The following CAB39 variants were observed in gnomAD, a reference collection of about 807,000 sequenced individuals.
The protein encoded by CAB39 is calcium binding protein 39.
In CAB39, 8 loss-of-function variants were observed where a neutral mutation model predicts 40.0. The observed-to-expected ratio is 0.20, with a 90% CI of 0.12 to 0.36. The LOEUF is 0.36. Among genes scored for constraint, CAB39 ranks in the 10% least tolerant of loss-of-function variants. The pLI is 1.00. For missense variants in CAB39, 270 were observed against 401.1 expected, an observed-to-expected ratio of 0.67 and a Z score of 2.79; for synonymous variants, 156 against 141.6, an observed-to-expected ratio of 1.10 and a Z score of -0.72.
chr2:230,813,111 T>C (rs1465096758), intron 6 of CAB39, among the ~76,000 whole-genome samples: 1 of 152,202 alleles, frequency 6.6e-6, no homozygotes, highest in Non-Finnish European at 1.5e-5. Context: ...CCAACAGTCA[T>C]ACTAGTGCTG....
intron 1 of CAB39, among the ~76,000 whole-genome samples, chr2:230,715,674 T>C (rs1373365658): frequency 6.6e-6 from 1 of 152,224 alleles, no homozygotes; most frequent in Non-Finnish European, 1.5e-5. Flanking sequence ...GGTTTGCTAC[T>C]ATAACAAATG....
At position 230,754,114 on chromosome 2, in the gene CAB39, A is replaced by G. The variant is rs187605229; in HGVS notation, c.-43-5845A>G. 7.2e-5 allele frequency among the ~76,000 whole-genome samples: 11 copies of G among 152,262 alleles called. 1 individual carries two copies. Among genetic ancestry groups the G allele is most frequent in the Admixed American group, 4.6e-4 (7 of 15,284 alleles). On this transcript the variant is annotated intron_variant, in intron 1 of 8. Coordinates refer to ENST00000258418, the MANE Select transcript of CAB39 (RefSeq NM_016289.4). ...TGTGCTGTGAGTTGGAGATAGGTAA[A>G]ACCTAGAGGGCCATGGTAAGGAATT...
chr2:230,753,552 A>G (rs913367139), intron 1 of CAB39, among the ~76,000 whole-genome samples: 8 of 152,124 alleles, frequency 5.3e-5, no homozygotes, highest in Admixed American at 2.6e-4. Flanking sequence ...CAGGAGTTCA[A>G]GACCAGCCTG....
At chr2:230,790,797 A>G in intron 2 of CAB39, 75 bp from the exon 3 acceptor site, 1 of 1,307,528 alleles carries the variant, frequency 7.6e-7, no homozygotes, top group Non-Finnish European at 1.1e-6. Context: ...GTGATTTGAC[A>G]AATTTTGACG....
In CAB39 at chr2:230,819,667, A is replaced by G. The variant is rs1696471841; in HGVS notation, c.*963A>G. The G allele has an allele frequency of 6.6e-6, 1 of 152,484 alleles. No homozygotes were observed. Among genetic ancestry groups the G allele is most frequent in the African/African-American group, 2.4e-5 (1 of 41,480 alleles). The allele number at this position is 152,484 out of a possible 1,614,324, so 9.4% of individuals were successfully genotyped here. ...CATTTAAGTATCACAGCATTAAAAGAAAAAGAAAGTAAACCAGTCCTTTGT... is the reference window on the plus strand; with the variant it reads ...CATTTAAGTATCACAGCATTAAAAGGAAAAGAAAGTAAACCAGTCCTTTGT... On this transcript the variant is annotated 3_prime_UTR_variant, in exon 9 of 9. Transcript: ENST00000258418.
intron 2 of CAB39, among the ~76,000 whole-genome samples, chr2:230,785,140 G>A (rs142767073): frequency 1.4e-3 from 212 of 152,274 alleles, no homozygotes; most frequent in African/African-American, 4.8e-3. Context: ...CACTAATAGT[G>A]CACAGCAATC....
intron 1 of CAB39, among the ~76,000 whole-genome samples, chr2:230,716,832 T>TA (rs1228031027): frequency 6.6e-6 from 1 of 152,176 alleles, no homozygotes; most frequent in Non-Finnish European, 1.5e-5. Flanking sequence ...CAAGACCCTA[T>TA]ATCCACAAAA....
intron 1 of CAB39, among the ~76,000 whole-genome samples, chr2:230,735,837 A>G (rs1390585863): frequency 6.6e-6 from 1 of 152,200 alleles, no homozygotes; most frequent in East Asian, 1.9e-4. Context: ...TTTTTATATA[A>G]AGACCATTTA....
chr2:230,787,756 G>A (rs534998628), intron 2 of CAB39, among the ~76,000 whole-genome samples: 7 of 152,166 alleles, frequency 4.6e-5, no homozygotes, highest in African/African-American at 1.7e-4. Context: ...TTTCTTAGGA[G>A]GTTAATCAAA....
intron 2 of CAB39, among the ~76,000 whole-genome samples, chr2:230,766,388 AG>A (rs1378242274): frequency 1.3e-5 from 2 of 152,224 alleles, no homozygotes; most frequent in Non-Finnish European, 2.9e-5. Context: ...GAGAGAGACT[AG>A]GAAGTACTAC....
At chr2:230,742,396 C>T (rs1477746495) in intron 1 of CAB39, among the ~76,000 whole-genome samples, 1 of 152,030 alleles carries the variant, frequency 6.6e-6, no homozygotes, top group Admixed American at 6.6e-5. Flanking sequence ...AGGATGGTCT[C>T]GATCTCCTGA....
chr2:230,801,725 T>C (rs994859658), intron 5 of CAB39, among the ~76,000 whole-genome samples: 3 of 151,616 alleles, frequency 2.0e-5, no homozygotes, highest in African/African-American at 7.3e-5. Flanking sequence ...TACAAAAAAT[T>C]AGTTGTGGTG....
intron 3 of CAB39, 53 bp from the exon 4 acceptor site, chr2:230,793,158 ATG>A: frequency 1.0e-6 from 1 of 961,432 alleles, no homozygotes. Flanking sequence ...GGGAGGGTGA[ATG>A]AGCATTTTGA....
At chr2:230,793,721 A>G (rs1695929522) in intron 4 of CAB39, among the ~76,000 whole-genome samples, 2 of 152,262 alleles carry the variant, frequency 1.3e-5, no homozygotes, top group South Asian at 4.1e-4. Flanking sequence ...AAGGCAGTAA[A>G]AGCTGCCTCT....
In CAB39 at chr2:230,756,677, A is replaced by G. The variant is rs555842411; in HGVS notation, c.-43-3282A>G. Among the ~76,000 whole-genome samples the G allele has an allele frequency of 3.2e-3, 488 of 150,156 alleles. 3 individuals are homozygous for G. Among genetic ancestry groups the G allele is most frequent in the South Asian group, 0.015 (71 of 4,786 alleles). On this transcript the variant is annotated intron_variant, in intron 1 of 8. Coordinates refer to ENST00000258418, the MANE Select transcript of CAB39 (RefSeq NM_016289.4). ...TAACTGTTTGTTTATTTATTTATTTATTTATTTATTTATTTATTTATTTAT... is the reference window on the plus strand; with the variant it reads ...TAACTGTTTGTTTATTTATTTATTTGTTTATTTATTTATTTATTTATTTAT...
intron 1 of CAB39, among the ~76,000 whole-genome samples, chr2:230,715,140 CAT>C (rs1350732249): frequency 2.0e-5 from 3 of 152,102 alleles, no homozygotes; most frequent in Non-Finnish European, 4.4e-5. Flanking sequence ...TACACACACA[CAT>C]CTCTTATTAA....
At chr2:230,743,042 G>A (rs1034430303) in intron 1 of CAB39, among the ~76,000 whole-genome samples, 8 of 152,178 alleles carry the variant, frequency 5.3e-5, no homozygotes, top group African/African-American at 1.9e-4. Flanking sequence ...TCTCTTTGTG[G>A]CCGGGTCAGC....
At chr2:230,796,981 C>T (rs1695997182) in intron 4 of CAB39, among the ~76,000 whole-genome samples, 1 of 152,110 alleles carries the variant, frequency 6.6e-6, no homozygotes, top group Non-Finnish European at 1.5e-5. Context: ...AAGAGGAAGA[C>T]TGGATAGTTA....
chr2:230,818,310 T>TATCA, intron 8 of CAB39: 1 of 536,986 alleles, frequency 1.9e-6, no homozygotes, highest in Non-Finnish European at 3.3e-6. Context: ...AGAATGAGTT[T>TATCA]ATCAGTCGTA....
Sources: allele counts gnomAD v4.1 joint callset (sites outside exome capture counted in the v4.1 genomes callset), GRCh38; gene constraint gnomAD v4.1.1; transcripts MANE v1.5; gene names NCBI Gene and HGNC (gene_info 2026-07-23, HGNC 2026-07-21).